CREBBP: variants seen among roughly 807,000 people sequenced by gnomAD.
CREBBP encodes the protein CREB binding lysine acetyltransferase, also known as CREB-binding protein.
In CREBBP, 19 loss-of-function variants were observed where a neutral mutation model predicts 265.0. The ratio of observed to expected loss-of-function variants is 0.07; its 90% confidence interval spans 0.05 to 0.11. The LOEUF (loss-of-function observed/expected upper bound fraction) is 0.11, where lower values mean the gene tolerates loss of function less well. Ranked by LOEUF, CREBBP falls within the 10% of genes least tolerant of loss-of-function variation. The probability of loss-of-function intolerance (pLI) is 1.00; values close to 1 mark genes in which losing one functional copy is unlikely to be tolerated. For synonymous variants in CREBBP, 1,457 were observed against 1,223.7 expected (o/e 1.19, Z -3.98); for missense variants, 2,525 against 3,219.0 (o/e 0.78, Z 5.22).
At chr16:3,747,182 C>A (rs967213603) in intron 21 of CREBBP, among the ~76,000 whole-genome samples, 1 of 152,130 alleles carries the variant, frequency 6.6e-6, no homozygotes, top group African/African-American at 2.4e-5. Flanking sequence ...TTCTCTACTA[C>A]AGAACAATGT....
rs548809813 is a variant in CREBBP at position 3,854,930 on chromosome 16, T to C, written c.86-3921A>G. ...AAGAAAAACCGAGACTGAGAGTAAG[T>C]TGCAGACGAAATAACACTGTTCTCC... On this transcript the variant is annotated intron_variant, in intron 1 of 30. Transcript: ENST00000262367. Among the ~76,000 whole-genome samples, 8 of 152,334 alleles carry C rather than the reference T, an allele frequency of 5.3e-5. No individual in the cohort carries two copies. The South Asian group carries it at 1.2e-3, about 24-fold the overall frequency.
At chr16:3,787,631 T>G (rs1345888100) in intron 5 of CREBBP, among the ~76,000 whole-genome samples, 1 of 144,990 alleles carries the variant, frequency 6.9e-6, no homozygotes, top group Non-Finnish European at 1.5e-5. Flanking sequence ...AAAAGGAGGT[T>G]TTTTTTTTTG....
chr16:3,761,722 C>T (rs959384529), intron 16 of CREBBP, among the ~76,000 whole-genome samples: 1 of 152,222 alleles, frequency 6.6e-6, no homozygotes, highest in East Asian at 1.9e-4. Context: ...GGTGCAAAGG[C>T]CTGGTCCAGG....
intron 2 of CREBBP, among the ~76,000 whole-genome samples, chr16:3,818,187 CG>C (rs939307333): frequency 2.0e-5 from 3 of 151,516 alleles, no homozygotes; most frequent in Admixed American, 1.3e-4. Flanking sequence ...AATGGGGGGC[CG>C]GGGAGGAGGA....
Position 3,773,981 on chromosome 16 carries a change from G to C in CREBBP, c.2284-51C>G, listed in dbSNP as rs368506927. On this transcript the variant is annotated intron_variant, in intron 12 of 30. Transcript: ENST00000262367. ...GCTGTAGTTCGGAAGCTGACGGCCA[G>C]AGTTTTCAAGGTGAGCCAGAATGAT... is the stretch of plus-strand genomic sequence containing the variant. 175 of 1,595,950 alleles carry C rather than the reference G, an allele frequency of 1.1e-4. 3 individuals are homozygous for C. The South Asian group carries it at 1.5e-3, about 13-fold the overall frequency.
At chr16:3,838,569 T>TA (rs1293671483) in intron 2 of CREBBP, among the ~76,000 whole-genome samples, 1 of 152,122 alleles carries the variant, frequency 6.6e-6, no homozygotes, top group African/African-American at 2.4e-5. Flanking sequence ...ACTTTGACTT[T>TA]AAAAAAGATA....
intron 30 of CREBBP, 79 bp from the exon 31 acceptor site, chr16:3,729,953 C>T (rs557574945): frequency 4.0e-5 from 63 of 1,566,536 alleles, no homozygotes; most frequent in Admixed American, 9.3e-5. Context: ...TTCCCTCCAC[C>T]GCTAAGTCTG....
At chr16:3,874,152 C>G in intron 1 of CREBBP, among the ~76,000 whole-genome samples, 1 of 152,200 alleles carries the variant, frequency 6.6e-6, no homozygotes, top group Non-Finnish European at 1.5e-5. Flanking sequence ...GGTCACCAGG[C>G]TTTCTGATAA....
At chr16:3,792,915 G>A (rs959871857) in intron 4 of CREBBP, among the ~76,000 whole-genome samples, 4 of 152,192 alleles carry the variant, frequency 2.6e-5, no homozygotes, top group East Asian at 1.9e-4. Flanking sequence ...GGACAACTTC[G>A]CTGTCATCCG....
chr16:3,777,267 G>A lies in CREBBP; in HGVS notation c.2158+346C>T, dbSNP rs900360964. Among the ~76,000 whole-genome samples, 7 of 151,864 alleles carry A rather than the reference G, an allele frequency of 4.6e-5. 1 individual carries two copies. The highest frequency in any genetic ancestry group is 1.3e-4 in the Admixed American group (2 of 15,252). The stretch of plus-strand genomic sequence containing the variant: ...GGAGAATGGTGTGAACCCAGGAGGC[G>A]GAGCTTGCAGTGAGCCAAGATGGAG... On this transcript the variant is annotated intron_variant, in intron 11 of 30. Coordinates refer to ENST00000262367, the MANE Select transcript of CREBBP (RefSeq NM_004380.3).
rs564372333 is a variant in CREBBP at position 3,765,114 on chromosome 16, CA to C, written c.3250+2605del. On this transcript the variant is annotated intron_variant, in intron 16 of 30. Coordinates refer to ENST00000262367, the MANE Select transcript of CREBBP (RefSeq NM_004380.3). Reference sequence around the variant, plus strand: ...TCAGCCTCCCGAGCAGCTGGGACTACAGGCGCCCGCCACCACGCCCGCATAA... The same window carrying C: ...TCAGCCTCCCGAGCAGCTGGGACTACGGCGCCCGCCACCACGCCCGCATAA... 2.0e-5 allele frequency among the ~76,000 whole-genome samples: 3 copies of C among 152,114 alleles called. No homozygotes were observed. In the South Asian group the frequency reaches 6.2e-4, roughly 32 times the overall value.
chr16:3,857,710 A>G (rs374076788), intron 1 of CREBBP, among the ~76,000 whole-genome samples: 104 of 152,308 alleles, frequency 6.8e-4, no homozygotes, highest in African/African-American at 2.1e-3. Context: ...CTGCACCCAG[A>G]GCATTTGCAC....
intron 2 of CREBBP, among the ~76,000 whole-genome samples, chr16:3,847,316 A>T (rs976924368): frequency 6.6e-6 from 1 of 152,070 alleles, no homozygotes; most frequent in African/African-American, 2.4e-5. Context: ...TTCCTGTGTA[A>T]TCGTTCTTAA....
intron 2 of CREBBP, among the ~76,000 whole-genome samples, chr16:3,825,324 T>C (rs563623331): frequency 8.5e-5 from 13 of 152,352 alleles, no homozygotes; most frequent in African/African-American, 1.2e-4. Flanking sequence ...TAAATAAAAA[T>C]GCAATCCCTG....
chr16:3,856,452 G>T (rs1490221945), intron 1 of CREBBP, among the ~76,000 whole-genome samples: 1 of 152,080 alleles, frequency 6.6e-6, no homozygotes, highest in Admixed American at 6.6e-5. Flanking sequence ...GAGAGACAGG[G>T]TTTCGCCATG....
In CREBBP at chr16:3,810,692, G is replaced by T. The variant is rs2141346937; in HGVS notation, c.886C>A (p.Gln296Lys). Residue 296 changes from glutamine (Q) to lysine (K), a missense_variant, in exon 3 of 31, where the codon CAG (glutamine) becomes AAG (lysine). By Grantham distance (53) the Gln-to-Lys change is moderately conservative. This residue lies in a region of CREBBP where 126 missense variants were observed against 171.9 expected (regional missense o/e 0.73). Coordinates refer to ENST00000262367, the MANE Select transcript of CREBBP (RefSeq NM_004380.3). ...ACCATGCTCTGTTTGCTGGCTAACT[G>T]GGGGTTCACTCCAGTGGCTCCCATT... ...QPMGATGVNP[Q>K]LASKQSMVNS... is the part of the protein sequence containing the mutation. 1.2e-6 allele frequency: 2 copies of T among 1,613,928 alleles called. No homozygotes were observed. Among genetic ancestry groups the T allele is most frequent in the Non-Finnish European group, 1.7e-6 (2 of 1,180,002 alleles).
At chr16:3,845,804 C>T (rs2141466905) in intron 2 of CREBBP, among the ~76,000 whole-genome samples, 1 of 148,910 alleles carries the variant, frequency 6.7e-6, no homozygotes, top group South Asian at 2.1e-4. Flanking sequence ...GGCGGATCAC[C>T]TGAGACCAGG....
rs779085871 is a variant in CREBBP at position 3,879,920 on chromosome 16, C to A, written c.-4G>T. 6.2e-7 allele frequency: 1 copy of A among 1,611,362 alleles called. No individual in the cohort carries two copies. Among genetic ancestry groups the A allele is most frequent in the South Asian group, 1.1e-5 (1 of 90,520 alleles). ...CGTCCAGCAAGTTCTCAGCCATTTTCACCTGCTCGCGAAAACAGCCCCGGG... is the reference window on the plus strand; with the variant it reads ...CGTCCAGCAAGTTCTCAGCCATTTTAACCTGCTCGCGAAAACAGCCCCGGG... On this transcript the variant is annotated 5_prime_UTR_variant, in exon 1 of 31. Coordinates refer to ENST00000262367, the MANE Select transcript of CREBBP (RefSeq NM_004380.3).
At chr16:3,833,868 T>C (rs2054390873) in intron 2 of CREBBP, among the ~76,000 whole-genome samples, 2 of 152,300 alleles carry the variant, frequency 1.3e-5, no homozygotes, top group South Asian at 2.1e-4. Flanking sequence ...GGAGAAAATA[T>C]GTGCAAGAAA....
Sources: allele counts gnomAD v4.1 joint callset (sites outside exome capture counted in the v4.1 genomes callset), GRCh38; gene constraint gnomAD v4.1.1; regional missense constraint gnomAD v4.1.1; transcripts MANE v1.5; gene names NCBI Gene and HGNC (gene_info 2026-07-23, HGNC 2026-07-21).